FARP2: variants seen among roughly 807,000 people sequenced by gnomAD.
FARP2 encodes FERM, ARHGEF and pleckstrin domain-containing protein 2.
A neutral mutation model predicts 130.5 loss-of-function variants in FARP2; 111 were observed. The observed-to-expected ratio is 0.85, with a 90% CI of 0.73 to 1.00. FARP2 has a LOEUF of 1.00. Among genes scored for constraint, FARP2 ranks in the 50% least tolerant of loss-of-function variants. FARP2 has a pLI of 0.00. For synonymous variants in FARP2, 504 were observed against 516.9 expected (o/e 0.98, Z 0.34); for missense variants, 1,385 against 1,346.3 (o/e 1.03, Z -0.45).
intron 2 of FARP2, among the ~76,000 whole-genome samples, chr2:241,402,318 C>G (rs2062190454): frequency 6.6e-6 from 1 of 152,218 alleles, no homozygotes; most frequent in African/African-American, 2.4e-5. Context: ...TTGGCATCAT[C>G]ATTCTAACCC....
intron 18 of FARP2, among the ~76,000 whole-genome samples, chr2:241,472,157 C>T (rs1212341276): frequency 6.7e-6 from 1 of 148,568 alleles, no homozygotes; most frequent in Admixed American, 6.6e-5. Context: ...TCTGAGGGGA[C>T]CCTGTTCTTA....
intron 18 of FARP2, among the ~76,000 whole-genome samples, chr2:241,474,874 T>G (rs1054750718): frequency 6.6e-6 from 1 of 151,998 alleles, no homozygotes; most frequent in Non-Finnish European, 1.5e-5. Context: ...CCATGAGTGA[T>G]TCCAGCAAGG....
intron 1 of FARP2, among the ~76,000 whole-genome samples, chr2:241,367,258 G>C (rs2150290829): frequency 6.6e-6 from 1 of 152,262 alleles, no homozygotes; most frequent in South Asian, 2.1e-4. Flanking sequence ...CAACACTGTA[G>C]CAGTGTTGGT....
chr2:241,446,954 G>C lies in FARP2; in HGVS notation c.1411+5398G>C, dbSNP rs981636973. ...CAATTGCGTTCCCCTAGGAAATGAA[G>C]AAAAAATGAGCTGAAATTTCCTTAT... On this transcript the variant is annotated intron_variant, in intron 13 of 26. Coordinates refer to ENST00000264042, the MANE Select transcript of FARP2 (RefSeq NM_014808.4). 5.9e-5 allele frequency: 9 copies of C among 152,112 alleles called. 1 individual carries two copies. Among genetic ancestry groups the C allele is most frequent in the Non-Finnish European group, 7.4e-5 (5 of 68,014 alleles). The allele number at this position is 152,112 out of a possible 1,614,324, so 9.4% of individuals were successfully genotyped here. A position where few individuals can be genotyped will look rare whatever the true frequency, so the allele number is the denominator to read the frequency against.
intron 2 of FARP2, among the ~76,000 whole-genome samples, chr2:241,390,562 T>C (rs1445721969): frequency 2.0e-5 from 3 of 152,156 alleles, no homozygotes; most frequent in African/African-American, 7.2e-5. Context: ...GTTTCTGGAG[T>C]CATCTTTGTA....
At chr2:241,434,778 T>C (rs1047469859) in intron 10 of FARP2, among the ~76,000 whole-genome samples, 184 bp from the exon 11 acceptor site, 6 of 151,906 alleles carry the variant, frequency 3.9e-5, no homozygotes, top group East Asian at 1.9e-4. Context: ...CTTAAACCCA[T>C]GAGGCAGAGA....
At chr2:241,465,622 A>G (rs963633633) in intron 17 of FARP2, 3 of 1,550,646 alleles carry the variant, frequency 1.9e-6, no homozygotes, top group South Asian at 2.4e-5. Flanking sequence ...TTGACTGTTC[A>G]GGGGTCTCAC....
At chr2:241,438,326 T>C (rs1250747409) in intron 12 of FARP2, among the ~76,000 whole-genome samples, 1 of 152,088 alleles carries the variant, frequency 6.6e-6, no homozygotes, top group Non-Finnish European at 1.5e-5. Flanking sequence ...AGGCTAAGGC[T>C]GGAGGATTGC....
chr2:241,482,749 C>G lies in FARP2; in HGVS notation c.2263-716C>G, dbSNP rs897392037. 6.6e-6 allele frequency among the ~76,000 whole-genome samples: 1 copy of G among 152,146 alleles called. No individual in the cohort carries two copies. The highest frequency in any genetic ancestry group is 1.5e-5 in the Non-Finnish European group (1 of 68,036). ...GCACATTCTCCGGACACCTGCTGCTCCTCCTGTTTGTCTGAAAGGAACAGA... is the reference window on the plus strand; with the variant it reads ...GCACATTCTCCGGACACCTGCTGCTGCTCCTGTTTGTCTGAAAGGAACAGA... On this transcript the variant is annotated intron_variant, in intron 19 of 26. Coordinates refer to ENST00000264042, the MANE Select transcript of FARP2 (RefSeq NM_014808.4). This position sits in a 1 kb window ranked among gnomAD's most constrained non-coding sequence, Gnocchi z 4.6.
intron 1 of FARP2, among the ~76,000 whole-genome samples, chr2:241,371,875 A>G (rs973692630): frequency 2.6e-4 from 39 of 152,170 alleles, no homozygotes; most frequent in African/African-American, 9.4e-4. Context: ...AGCTAGTATT[A>G]TTAATTTTAG....
chr2:241,456,635 T>A, intron 13 of FARP2, 112 bp from the exon 14 acceptor site: 1 of 963,824 alleles, frequency 1.0e-6, no homozygotes, highest in Non-Finnish European at 1.6e-6. Flanking sequence ...AGGAAGCGCC[T>A]GGCACTGTGT....
intron 18 of FARP2, among the ~76,000 whole-genome samples, chr2:241,469,445 C>T (rs2064254948): frequency 6.6e-6 from 1 of 152,158 alleles, no homozygotes; most frequent in Non-Finnish European, 1.5e-5. Context: ...CTTAGCATTT[C>T]CTCTAGCTGG....
intron 13 of FARP2, among the ~76,000 whole-genome samples, chr2:241,448,001 C>T (rs909032768): frequency 2.6e-5 from 4 of 152,200 alleles, no homozygotes; most frequent in Non-Finnish European, 4.4e-5. Flanking sequence ...GTGGGAGGCA[C>T]CTGGCAGTAA....
At position 241,441,376 on chromosome 2, in the gene FARP2, C is replaced by G; in HGVS notation, c.1231C>G (p.Pro411Ala). Residue 411 changes from proline to alanine, a missense_variant, in exon 13 of 27, where the codon CCC (proline) becomes GCC (alanine). Transcript: ENST00000264042. ...AGCGAATGCCTTTTACTCGCTCTCT[C>G]CCTCCACTCTGGTCCCCTCTGGCCT... ...SSANAFYSLSPSTLVPSGLPE... is the reference protein window; with the variant it reads ...SSANAFYSLSASTLVPSGLPE... 2 of 1,614,210 alleles carry G rather than the reference C, an allele frequency of 1.2e-6. No homozygotes were observed. Among genetic ancestry groups the G allele is most frequent in the Non-Finnish European group, 1.7e-6 (2 of 1,180,016 alleles).
At chr2:241,449,690 G>A (rs1278003692) in intron 13 of FARP2, among the ~76,000 whole-genome samples, 1 of 151,746 alleles carries the variant, frequency 6.6e-6, no homozygotes, top group African/African-American at 2.4e-5. Flanking sequence ...GAAGTAAAGA[G>A]ACTGCCACAA....
In FARP2 at chr2:241,431,775, G is replaced by A. The variant is rs746154760; in HGVS notation, c.867+1G>A. 8.0e-7 allele frequency: 1 copy of A among 1,255,254 alleles called. No homozygotes were observed. The highest frequency in any genetic ancestry group is 2.1e-5 in the Admixed American group (1 of 46,568). The allele number at this position is 1,255,254 out of a possible 1,614,324, so 77.8% of individuals were successfully genotyped here. A position where few individuals can be genotyped will look rare whatever the true frequency, so the allele number is the denominator to read the frequency against. On this transcript the variant is annotated splice_donor_variant, in intron 9 of 26. Transcript: ENST00000264042. LOFTEE classifies it high-confidence loss of function. ...TATCAAACTTCATCCAGAGGTTCAT[G>A]TAAGTATTATTTTCAACTTTTTATT...
chr2:241,422,492 G>C (rs2062836766), intron 8 of FARP2, among the ~76,000 whole-genome samples: 2 of 151,774 alleles, frequency 1.3e-5, no homozygotes, highest in Non-Finnish European at 2.9e-5. Context: ...ATCAAAGTTT[G>C]ATAAACCCAC....
At chr2:241,470,417 G>A (rs558639673) in intron 18 of FARP2, among the ~76,000 whole-genome samples, 25 of 152,050 alleles carry the variant, frequency 1.6e-4, no homozygotes, top group Non-Finnish European at 3.4e-4. Flanking sequence ...GTTCTGATGG[G>A]GATGCGCTCT....
intron 13 of FARP2, among the ~76,000 whole-genome samples, chr2:241,447,493 C>T (rs755146010): frequency 1.3e-5 from 2 of 152,218 alleles, no homozygotes; most frequent in East Asian, 1.9e-4. Flanking sequence ...CCACACCCCA[C>T]GGGGCGGGCC....
Sources: allele counts gnomAD v4.1 joint callset (sites outside exome capture counted in the v4.1 genomes callset), GRCh38; gene constraint gnomAD v4.1.1; non-coding constraint Gnocchi (gnomAD v3.1); transcripts MANE v1.5; gene names NCBI Gene and HGNC (gene_info 2026-07-23, HGNC 2026-07-21).